The following INPP4B variants were observed in gnomAD, a reference collection of about 807,000 sequenced individuals.
The protein encoded by INPP4B is inositol polyphosphate-4-phosphatase type II B.
Under a neutral mutation model 122.5 loss-of-function variants are expected in INPP4B, and 55 were observed. The observed-to-expected ratio is 0.45, with a 90% CI of 0.36 to 0.56. INPP4B has a LOEUF of 0.56. Ranked by LOEUF, INPP4B falls within the 20% of genes least tolerant of loss-of-function variation. INPP4B has a pLI of 0.00. For synonymous variants in INPP4B, 403 were observed against 388.7 expected, an observed-to-expected ratio of 1.04 and a Z score of -0.43; for missense variants, 1,000 against 1,097.7, an observed-to-expected ratio of 0.91 and a Z score of 1.26.
At chr4:142,030,348 G>A in intron 25 of INPP4B, 1 of 1,476,678 alleles carries the variant, frequency 6.8e-7, no homozygotes, top group Non-Finnish European at 9.1e-7. Context: ...ATAGTATAGA[G>A]TTCACACAGT....
At chr4:142,218,828 G>A (rs1286757697) in intron 12 of INPP4B, among the ~76,000 whole-genome samples, 1 of 152,028 alleles carries the variant, frequency 6.6e-6, no homozygotes, top group Non-Finnish European at 1.5e-5. Flanking sequence ...TTATTCACTA[G>A]GACAAAAATT....
intron 2 of INPP4B, among the ~76,000 whole-genome samples, chr4:142,566,971 C>CA (rs1731747801): frequency 1.3e-5 from 2 of 152,230 alleles, no homozygotes; most frequent in African/African-American, 4.8e-5. Context: ...TTTTGATAGT[C>CA]ACGTGATTGA....
At chr4:142,472,227 G>T (rs1014505208) in intron 2 of INPP4B, among the ~76,000 whole-genome samples, 25 of 150,076 alleles carry the variant, frequency 1.7e-4, no homozygotes, top group Admixed American at 1.2e-3. Flanking sequence ...AAGAAAATCT[G>T]AACAATTAAT....
At chr4:142,501,307 A>G (rs961900633) in intron 2 of INPP4B, among the ~76,000 whole-genome samples, 5 of 152,206 alleles carry the variant, frequency 3.3e-5, no homozygotes, top group Admixed American at 6.5e-5. Flanking sequence ...AGACTCACAA[A>G]CCATTTTAAC....
At chr4:142,823,983 C>G (rs1410282272) in intron 1 of INPP4B, among the ~76,000 whole-genome samples, 1 of 152,118 alleles carries the variant, frequency 6.6e-6, no homozygotes, top group Non-Finnish European at 1.5e-5. Context: ...TCATCCAATC[C>G]ATTGAGGGCC....
intron 2 of INPP4B, among the ~76,000 whole-genome samples, chr4:142,642,952 G>T (rs1267188006): frequency 6.6e-6 from 1 of 152,108 alleles, no homozygotes; most frequent in African/African-American, 2.4e-5. Context: ...ATGGAGCAGT[G>T]GTTTGTAGTT....
At chr4:142,836,592 C>T (rs1028687274) in intron 1 of INPP4B, among the ~76,000 whole-genome samples, 4 of 150,358 alleles carry the variant, frequency 2.7e-5, no homozygotes, top group Middle Eastern at 6.8e-3. Context: ...CATATAACAA[C>T]AACAAAAAAA....
chr4:142,831,198 A>T (rs1782091845), intron 1 of INPP4B, among the ~76,000 whole-genome samples: 1 of 152,200 alleles, frequency 6.6e-6, no homozygotes, highest in African/African-American at 2.4e-5. Flanking sequence ...TAAATCGAGT[A>T]CTAAATTCCA....
intron 25 of INPP4B, among the ~76,000 whole-genome samples, chr4:142,047,869 G>A (rs543885685): frequency 4.0e-4 from 61 of 152,158 alleles, no homozygotes; most frequent in Admixed American, 3.9e-3. Flanking sequence ...GATGAAATTA[G>A]CCTTTCTCAA....
intron 1 of INPP4B, among the ~76,000 whole-genome samples, chr4:142,772,765 C>T (rs1362027114): frequency 6.6e-6 from 1 of 152,110 alleles, no homozygotes; most frequent in Non-Finnish European, 1.5e-5. Flanking sequence ...CACAATCTGG[C>T]CAGGTGTGGT....
intron 25 of INPP4B, among the ~76,000 whole-genome samples, chr4:142,054,255 A>T (rs1397737): frequency 0.82 from 122,739 of 149,304 alleles, 51,800 homozygotes; most frequent in Non-Finnish European, 0.92. Context: ...ACAACACCCT[A>T]TTTTTTTTTT....
chr4:142,230,498 A>G (rs1853735787), intron 12 of INPP4B, among the ~76,000 whole-genome samples: 1 of 152,012 alleles, frequency 6.6e-6, no homozygotes, highest in African/African-American at 2.4e-5. Context: ...ATACAAAATT[A>G]TCTGCACGTG....
chr4:142,084,014 C>T (rs1775467679), intron 24 of INPP4B, among the ~76,000 whole-genome samples: 1 of 152,272 alleles, frequency 6.6e-6, no homozygotes, highest in Non-Finnish European at 1.5e-5. Context: ...TTGATTTCTA[C>T]AATACCTGAA....
In INPP4B at chr4:142,173,651, A is replaced by G. The variant is rs770226245; in HGVS notation, c.1340T>C (p.Leu447Ser). 1 of 1,611,700 alleles carries G rather than the reference A, an allele frequency of 6.2e-7. No individual in the cohort carries two copies. The highest frequency in any genetic ancestry group is 1.3e-5 in the African/African-American group (1 of 74,746). Residue 447 changes from leucine (L) to serine (S), a missense_variant, in exon 16 of 26, where the codon TTA (leucine) becomes TCA (serine). Transcript: ENST00000262992. ...TCTTACTTTTTCTGAAAGCATCTTT[A>G]AAGAATTCTTCAAGCTGTCTGGAGA... ...QHSPDSLKNS[L>S]KMLSEKTELF...
intron 2 of INPP4B, among the ~76,000 whole-genome samples, chr4:142,677,076 T>A (rs1757921364): frequency 6.6e-6 from 1 of 151,772 alleles, no homozygotes; most frequent in South Asian, 2.1e-4. Flanking sequence ...TAGGAGAAAA[T>A]TTTTGCAATC....
chr4:142,223,668 C>T (rs2149736612), intron 12 of INPP4B, among the ~76,000 whole-genome samples: 1 of 152,282 alleles, frequency 6.6e-6, no homozygotes, highest in Non-Finnish European at 1.5e-5. Flanking sequence ...TGACACACAG[C>T]ATCTGCCCTC....
At chr4:142,090,794 G>A (rs1337592207) in intron 23 of INPP4B, among the ~76,000 whole-genome samples, 1 of 151,044 alleles carries the variant, frequency 6.6e-6, no homozygotes, top group Non-Finnish European at 1.5e-5. Context: ...ATTTTAAATA[G>A]CAAAAAAGCT....
chr4:142,392,189 A>G (rs1405754111), intron 7 of INPP4B, among the ~76,000 whole-genome samples: 1 of 152,112 alleles, frequency 6.6e-6, no homozygotes, highest in Non-Finnish European at 1.5e-5. Flanking sequence ...CTGTATACCC[A>G]CTGGAACCCC....
At chr4:142,383,831 CT>C (rs773311673) in intron 7 of INPP4B, 10 of 452,970 alleles carry the variant, frequency 2.2e-5, no homozygotes, top group African/African-American at 4.0e-5. Flanking sequence ...AGGACCTTGA[CT>C]TTATTTATGA....
Sources: gnomAD v4.1 joint callset for allele counts (sites outside exome capture counted in the v4.1 genomes callset) on GRCh38, gnomAD v4.1.1 for gene constraint, MANE v1.5 for transcripts, NCBI Gene and HGNC (gene_info 2026-07-23, HGNC 2026-07-21) for gene names.